ARFGEF1: variants seen among roughly 807,000 people sequenced by gnomAD.
ARFGEF1 encodes the protein brefeldin A-inhibited guanine nucleotide-exchange protein 1.
ARFGEF1 carries 42 observed loss-of-function variants against 231.0 expected under a neutral mutation model. The observed-to-expected ratio is 0.18, with a 90% CI of 0.14 to 0.24. The LOEUF is 0.24. Among genes scored for constraint, ARFGEF1 ranks in the 10% least tolerant of loss-of-function variants. The probability of loss-of-function intolerance (pLI) is 1.00; values close to 1 mark genes in which losing one functional copy is unlikely to be tolerated. For synonymous variants in ARFGEF1, 710 were observed against 732.3 expected (o/e 0.97, Z 0.49); for missense variants, 1,345 against 2,192.0 (o/e 0.61, Z 7.72).
chr8:67,240,834 C>T (rs1839906025), intron 19 of ARFGEF1, among the ~76,000 whole-genome samples: 1 of 152,150 alleles, frequency 6.6e-6, no homozygotes, highest in African/African-American at 2.4e-5. Flanking sequence ...AAATAAAATA[C>T]TTCCTCATTA....
At chr8:67,307,723 G>A (rs900956426) in intron 1 of ARFGEF1, among the ~76,000 whole-genome samples, 2 of 152,174 alleles carry the variant, frequency 1.3e-5, no homozygotes, top group Non-Finnish European at 2.9e-5. Context: ...GGGAGAGAGT[G>A]TGGCTGACTA....
rs1000423231 is a variant in ARFGEF1, at chr8:67,315,403, G to T, written c.125-12937C>A. 3.3e-5 allele frequency among the ~76,000 whole-genome samples: 5 copies of T among 151,840 alleles called. No homozygotes were observed. In the East Asian group the frequency reaches 7.7e-4, roughly 23 times the overall value. ...ACTGAACACCACCATCAATCGGCAGGGTATAAATTTATAGAATACTCCACT... is the reference window on the plus strand; with the variant it reads ...ACTGAACACCACCATCAATCGGCAGTGTATAAATTTATAGAATACTCCACT... On this transcript the variant is annotated intron_variant, in intron 1 of 38. Transcript: ENST00000262215.
At chr8:67,195,552 G>T, downstream of ARFGEF1, 1 of 1,614,190 alleles carries the variant, frequency 6.2e-7, no homozygotes, top group East Asian at 2.2e-5. Flanking sequence ...TGGAAAACCA[G>T]GCACTTTCAC....
At chr8:67,287,692 G>C (rs1160044058) in intron 7 of ARFGEF1, among the ~76,000 whole-genome samples, 1 of 152,114 alleles carries the variant, frequency 6.6e-6, no homozygotes, top group African/African-American at 2.4e-5. Flanking sequence ...TACTGTGCTG[G>C]TATCCTACTG....
At position 67,277,444 on chromosome 8, in the gene ARFGEF1, C is replaced by T. The variant is rs545156254; in HGVS notation, c.1041G>A (p.Gly347=). 4 of 1,612,876 alleles carry T rather than the reference C, an allele frequency of 2.5e-6. No individual in the cohort carries two copies. The East Asian group carries it at 8.9e-5, about 36-fold the overall frequency. The stretch of plus-strand genomic sequence containing the variant: ...CATCTGCACTTGCATTTATAGTAGT[C>T]CCTTCTCCCATATCTAAAATGATAA... The part of the protein sequence containing the change: ...VNIVVGDMGE[G]TTINASADGN... The change falls in exon 8 of 39, where the codon GGG becomes GGA. Residue 347 remains glycine (G), a synonymous_variant. Coordinates refer to ENST00000262215, the MANE Select transcript of ARFGEF1 (RefSeq NM_006421.5).
intron 16 of ARFGEF1, 82 bp from the exon 17 acceptor site, chr8:67,257,898 C>A: frequency 7.8e-7 from 1 of 1,285,234 alleles, no homozygotes; most frequent in Non-Finnish European, 1.1e-6. Flanking sequence ...AATCCCATAG[C>A]ACTTTTATTT....
At chr8:67,318,664 A>C (rs150153394) in intron 1 of ARFGEF1, among the ~76,000 whole-genome samples, 3 of 152,372 alleles carry the variant, frequency 2.0e-5, no homozygotes, top group Non-Finnish European at 4.4e-5. Context: ...GAACAACTGG[A>C]AACCCAAAAT....
Position 67,227,626 on chromosome 8 carries a change from C to T in ARFGEF1, c.3592-28G>A, listed in dbSNP as rs537381818. ...GTAATGGCGACAGAAATAAACGATG[C>T]TAATTAATATCAGCAGTAAAAATCT... On this transcript the variant is annotated intron_variant, in intron 25 of 38. Coordinates refer to ENST00000262215, the MANE Select transcript of ARFGEF1 (RefSeq NM_006421.5). The T allele has an allele frequency of 3.1e-6, 5 of 1,599,810 alleles. No homozygotes were observed. In the South Asian group the frequency reaches 4.5e-5, roughly 14 times the overall value.
At chr8:67,282,654 T>C (rs1805583057) in intron 7 of ARFGEF1, among the ~76,000 whole-genome samples, 1 of 151,956 alleles carries the variant, frequency 6.6e-6, no homozygotes. Flanking sequence ...AAGACCAGCC[T>C]GGCCAACATG....
chr8:67,297,795 A>T (rs1806302330), intron 4 of ARFGEF1, among the ~76,000 whole-genome samples: 1 of 142,494 alleles, frequency 7.0e-6, no homozygotes, highest in Admixed American at 7.1e-5. Context: ...CAAAATGATC[A>T]ACCCGTTTTT....
chr8:67,312,620 C>A (rs1807125579), intron 1 of ARFGEF1, among the ~76,000 whole-genome samples: 1 of 152,110 alleles, frequency 6.6e-6, no homozygotes, highest in African/African-American at 2.4e-5. Context: ...TTTTGAAACA[C>A]CGTGAAGAAT....
intron 35 of ARFGEF1, among the ~76,000 whole-genome samples, chr8:67,203,464 A>T (rs982297955): frequency 1.3e-5 from 2 of 152,002 alleles, no homozygotes; most frequent in Non-Finnish European, 2.9e-5. Flanking sequence ...CTGGACTCCC[A>T]ACTCCCTGGC....
chr8:67,343,269 T>C lies in ARFGEF1; in HGVS notation c.19A>G (p.Thr7Ala). The C allele has an allele frequency of 1.2e-6, 2 of 1,613,782 alleles. No individual in the cohort carries two copies. The highest frequency in any genetic ancestry group is 8.5e-7 in the Non-Finnish European group (1 of 1,179,782). Reference protein sequence around the residue: MYEGKKTKNMFLTRALE... With the variant: MYEGKKAKNMFLTRALE... ...GCCCGGGTCAGGAACATGTTCTTCG[T>C]CTTCTTCCCCTCATACATGGACGCA... Residue 7 changes from threonine to alanine, a missense_variant, in exon 1 of 39, where the codon ACG becomes GCG. Around this residue, in one of 14 missense-constraint regions of ARFGEF1, gnomAD observed 398 missense variants for 463.2 expected, o/e 0.86. Transcript: ENST00000262215.
chr8:67,274,248 G>C (rs1805219766), intron 9 of ARFGEF1, among the ~76,000 whole-genome samples: 3 of 150,162 alleles, frequency 2.0e-5, no homozygotes, highest in Admixed American at 2.0e-4. Flanking sequence ...CATCATTTTA[G>C]CAAGACCAGA....
At chr8:67,229,771 A>G (rs1424034587) in intron 23 of ARFGEF1, among the ~76,000 whole-genome samples, 1 of 152,110 alleles carries the variant, frequency 6.6e-6, no homozygotes, top group Non-Finnish European at 1.5e-5. Context: ...GCTGTAAACA[A>G]GCCACACCAT....
intron 7 of ARFGEF1, among the ~76,000 whole-genome samples, chr8:67,280,945 C>A (rs1424366543): frequency 6.6e-6 from 1 of 151,752 alleles, no homozygotes; most frequent in South Asian, 2.1e-4. Context: ...TTAGATTTCA[C>A]AGCTGGGATA....
intron 20 of ARFGEF1, among the ~76,000 whole-genome samples, chr8:67,239,264 C>T (rs1357514196): frequency 4.6e-5 from 7 of 152,076 alleles, no homozygotes; most frequent in Non-Finnish European, 1.0e-4. Flanking sequence ...CCTCGACCTC[C>T]CAAAGTGCTG....
intron 1 of ARFGEF1, among the ~76,000 whole-genome samples, chr8:67,340,616 T>C (rs1229366701): frequency 6.6e-6 from 1 of 152,230 alleles, no homozygotes; most frequent in Non-Finnish European, 1.5e-5. Context: ...GTAGATAGAC[T>C]GCAAGGGAAG....
downstream of ARFGEF1, chr8:67,195,362 G>T (rs148896413): frequency 1.6e-4 from 259 of 1,580,170 alleles, 1 homozygote; most frequent in African/African-American, 2.8e-3. Flanking sequence ...CCTGAGCCAC[G>T]TGTCCCTTGC....
Sources: allele counts gnomAD v4.1 joint callset (sites outside exome capture counted in the v4.1 genomes callset), GRCh38; gene constraint gnomAD v4.1.1; regional missense constraint gnomAD v4.1.1; transcripts MANE v1.5; gene names NCBI Gene and HGNC (gene_info 2026-07-23, HGNC 2026-07-21).